Variants in STK3 observed in about 807,000 individuals in gnomAD.
STK3 encodes the protein serine/threonine kinase 3.
STK3 carries 41 observed loss-of-function variants against 58.0 expected under a neutral mutation model. The ratio of observed to expected loss-of-function variants is 0.71; its 90% CI spans 0.55 to 0.92. The LOEUF is 0.92. Ranked by LOEUF, STK3 falls within the 40% of genes least tolerant of loss-of-function variation. The pLI is 0.00. For missense variants in STK3, 479 were observed against 602.7 expected, an observed-to-expected ratio of 0.79 and a Z score of 2.15; for synonymous variants, 170 against 191.0, an observed-to-expected ratio of 0.89 and a Z score of 0.91.
intron 1 of STK3, among the ~76,000 whole-genome samples, chr8:98,803,998 G>A (rs1363494995): frequency 6.6e-6 from 1 of 151,940 alleles, no homozygotes; most frequent in African/African-American, 2.4e-5. Context: ...CACTTAACAA[G>A]CATTTTCTTT....
intron 1 of STK3, among the ~76,000 whole-genome samples, chr8:98,808,094 C>T (rs546758601): frequency 6.6e-6 from 1 of 152,258 alleles, no homozygotes; most frequent in African/African-American, 2.4e-5. Context: ...AAAAAATTGT[C>T]GTGTGACAGA....
At chr8:98,551,844 C>T (rs1162745334) in intron 8 of STK3, among the ~76,000 whole-genome samples, 1 of 152,072 alleles carries the variant, frequency 6.6e-6, no homozygotes, top group East Asian at 1.9e-4. Flanking sequence ...TTTAGGTTGA[C>T]ACGTTCAATA....
chr8:98,935,802 A>G (rs1347448066), intron 1 of STK3, among the ~76,000 whole-genome samples: 1 of 152,192 alleles, frequency 6.6e-6, no homozygotes, highest in Non-Finnish European at 1.5e-5. Flanking sequence ...AACTTCTTAC[A>G]TGGATAGGAG....
upstream of STK3, among the ~76,000 whole-genome samples, chr8:98,828,455 A>AAACAAAAAC (rs1321696462): frequency 5.3e-5 from 8 of 150,556 alleles, no homozygotes; most frequent in African/African-American, 2.0e-4. Flanking sequence ...AAAAAAAAAA[A>AAACAAAAAC]AAAAAAAAAA....
intron 3 of STK3, among the ~76,000 whole-genome samples, chr8:98,836,152 G>A (rs768123314): frequency 1.6e-4 from 25 of 151,976 alleles, no homozygotes; most frequent in Non-Finnish European, 3.1e-4. Context: ...AGTGAGCTGA[G>A]ATCGCACTAT....
chr8:98,478,722 T>C (rs148323123), intron 10 of STK3, among the ~76,000 whole-genome samples: 1 of 152,294 alleles, frequency 6.6e-6, no homozygotes, highest in East Asian at 1.9e-4. Context: ...GTCACAGAGA[T>C]GTTCTGAAGA....
chr8:98,872,804 T>G (rs947045253), intron 3 of STK3, among the ~76,000 whole-genome samples: 1 of 152,236 alleles, frequency 6.6e-6, no homozygotes, highest in African/African-American at 2.4e-5. Context: ...CTGGATTCAT[T>G]GATTTTTTGA....
chr8:98,706,752 G>T, intron 5 of STK3, 118 bp from the exon 6 acceptor site: 1 of 1,192,580 alleles, frequency 8.4e-7, no homozygotes, highest in South Asian at 1.9e-5. Flanking sequence ...ATCAGAAATT[G>T]ACTATTTTGC....
chr8:98,850,273 A>G (rs1433803000), intron 3 of STK3, among the ~76,000 whole-genome samples: 2 of 152,188 alleles, frequency 1.3e-5, no homozygotes, highest in Non-Finnish European at 2.9e-5. Context: ...TCCTGGACTC[A>G]AGCAATCCTC....
At chr8:98,402,779 G>T (rs1817956728) in intron 3 of STK3, among the ~76,000 whole-genome samples, 1 of 152,192 alleles carries the variant, frequency 6.6e-6, no homozygotes, top group Non-Finnish European at 1.5e-5. Context: ...GGTGGTACTT[G>T]CCCTTCCCTG....
intron 1 of STK3, among the ~76,000 whole-genome samples, chr8:98,379,626 T>C (rs1483140340): frequency 1.3e-5 from 2 of 152,164 alleles, no homozygotes; most frequent in Non-Finnish European, 2.9e-5. Flanking sequence ...AAGTCACAGG[T>C]GCAGGGTCAC....
intron 3 of STK3, among the ~76,000 whole-genome samples, chr8:98,843,046 C>A (rs1836058856): frequency 6.7e-6 from 1 of 150,356 alleles, no homozygotes. Context: ...GTGGTATTAA[C>A]TTAGATATAG....
intron 6 of STK3, among the ~76,000 whole-genome samples, chr8:98,694,500 C>A (rs1054856146): frequency 7.4e-4 from 112 of 152,248 alleles, no homozygotes; most frequent in African/African-American, 2.6e-3. Context: ...TCCCTCCCCA[C>A]TCCCCGCACC....
intron 3 of STK3, among the ~76,000 whole-genome samples, chr8:98,411,704 G>A (rs1818059269): frequency 6.6e-6 from 1 of 152,186 alleles, no homozygotes. Context: ...GTACCCAGGG[G>A]GGCGACACTG....
intron 6 of STK3, among the ~76,000 whole-genome samples, chr8:98,672,292 G>A (rs1264942013): frequency 6.6e-6 from 1 of 151,970 alleles, no homozygotes; most frequent in African/African-American, 2.4e-5. Flanking sequence ...TGTGATTGGT[G>A]GGGGTGTTGT....
intron 3 of STK3, among the ~76,000 whole-genome samples, chr8:98,761,628 C>A (rs147530404): frequency 6.6e-6 from 1 of 152,036 alleles, no homozygotes; most frequent in East Asian, 1.9e-4. Context: ...TATGGTAATA[C>A]AGTGTTTTTA....
intron 6 of STK3, among the ~76,000 whole-genome samples, chr8:98,696,416 G>T (rs576690219): frequency 0.018 from 2,655 of 151,182 alleles, 74 homozygotes; most frequent in African/African-American, 0.062. Flanking sequence ...GGTGAGAGAG[G>T]GCATCCCTGT....
chr8:98,473,778 TC>T (rs1821100140), intron 10 of STK3, among the ~76,000 whole-genome samples: 1 of 152,166 alleles, frequency 6.6e-6, no homozygotes, highest in Non-Finnish European at 1.5e-5. Context: ...TGGCCATTTC[TC>T]AATCTCCTTT....
At chr8:98,691,504 A>T (rs1240031694) in intron 6 of STK3, among the ~76,000 whole-genome samples, 1 of 152,158 alleles carries the variant, frequency 6.6e-6, no homozygotes, top group African/African-American at 2.4e-5. Context: ...TGGGGTGGAG[A>T]AAGTGATATG....
Sources: allele counts gnomAD v4.1 joint callset (sites outside exome capture counted in the v4.1 genomes callset), GRCh38; gene constraint gnomAD v4.1.1; transcripts MANE v1.5; gene names NCBI Gene and HGNC (gene_info 2026-07-23, HGNC 2026-07-21).